The following CSMD1 variants were observed in gnomAD, a reference collection of about 807,000 sequenced individuals.
CSMD1 encodes CUB and sushi domain-containing protein 1.
In CSMD1, 213 loss-of-function variants were observed where a neutral mutation model predicts 417.5. That is an observed-to-expected ratio of 0.51 (90% CI 0.46 to 0.57). The LOEUF is 0.57. Among genes scored for constraint, CSMD1 ranks in the 20% least tolerant of loss-of-function variants. The probability of loss-of-function intolerance (pLI) is 0.00; values close to 1 mark genes in which losing one functional copy is unlikely to be tolerated. For synonymous variants in CSMD1, 2,862 were observed against 1,736.8 expected, an observed-to-expected ratio of 1.65 and a Z score of -16.11; for missense variants, 6,923 against 4,529.7, an observed-to-expected ratio of 1.53 and a Z score of -15.17.
At chr8:4,487,960 C>T (rs893584524) in intron 2 of CSMD1, among the ~76,000 whole-genome samples, 16 of 152,074 alleles carry the variant, frequency 1.1e-4, no homozygotes, top group African/African-American at 1.9e-4. Context: ...TGCGTCCCTC[C>T]GAAATGTATA....
At chr8:3,738,714 C>T (rs1796648207) in intron 6 of CSMD1, among the ~76,000 whole-genome samples, 1 of 152,208 alleles carries the variant, frequency 6.6e-6, no homozygotes, top group Non-Finnish European at 1.5e-5. Context: ...AGGTGCCACC[C>T]TGTGGTCACC....
At chr8:3,975,060 C>T (rs1320564665) in intron 5 of CSMD1, among the ~76,000 whole-genome samples, 3 of 152,096 alleles carry the variant, frequency 2.0e-5, no homozygotes, top group Admixed American at 6.5e-5. Context: ...TAATATACAT[C>T]TGTACACTGA....
At chr8:4,005,341 A>G (rs1816027020) in intron 4 of CSMD1, among the ~76,000 whole-genome samples, 1 of 152,218 alleles carries the variant, frequency 6.6e-6, no homozygotes, top group Admixed American at 6.5e-5. Context: ...TTGTACTTGC[A>G]GAAAACGTAA....
At chr8:3,053,282 CAAT>C (rs1277538052) in intron 49 of CSMD1, among the ~76,000 whole-genome samples, 4 of 152,088 alleles carry the variant, frequency 2.6e-5, no homozygotes, top group Non-Finnish European at 5.9e-5. Context: ...CACGGGAGCA[CAAT>C]GTCACACACT....
intron 3 of CSMD1, among the ~76,000 whole-genome samples, chr8:4,195,082 C>T (rs1464622387): frequency 6.6e-6 from 1 of 152,304 alleles, no homozygotes; most frequent in South Asian, 2.1e-4. Context: ...GCCTAGAATT[C>T]TGCCCATGAA....
intron 3 of CSMD1, among the ~76,000 whole-genome samples, chr8:4,207,190 C>T (rs549622729): frequency 4.6e-5 from 7 of 152,002 alleles, no homozygotes; most frequent in African/African-American, 7.2e-5. Context: ...TACAAGTTGA[C>T]GTAGATAGGA....
At chr8:4,078,871 A>G (rs1412601095) in intron 3 of CSMD1, among the ~76,000 whole-genome samples, 1 of 140,776 alleles carries the variant, frequency 7.1e-6, no homozygotes, top group Non-Finnish European at 1.5e-5. Flanking sequence ...ACCTGTCTCT[A>G]CTAAAATTAA....
At chr8:3,775,295 G>A (rs1355337274) in intron 5 of CSMD1, among the ~76,000 whole-genome samples, 3 of 152,174 alleles carry the variant, frequency 2.0e-5, no homozygotes, top group Admixed American at 1.3e-4. Flanking sequence ...TAAGTGAACA[G>A]AAGATGAATC....
intron 8 of CSMD1, among the ~76,000 whole-genome samples, chr8:3,592,351 C>T (rs538812098): frequency 2.0e-4 from 30 of 152,092 alleles, no homozygotes; most frequent in African/African-American, 6.5e-4. Flanking sequence ...TATTAGGTAT[C>T]GAAGGTAGGC....
intron 41 of CSMD1, among the ~76,000 whole-genome samples, chr8:3,126,370 AG>A (rs1817510727): frequency 6.6e-6 from 1 of 151,516 alleles, no homozygotes. Flanking sequence ...CAGACCCAGG[AG>A]GAGGCTACTG....
Position 3,929,820 on chromosome 8 carries a change from C to T in CSMD1, c.818+68083G>A, listed in dbSNP as rs982588630. 1.4e-4 allele frequency among the ~76,000 whole-genome samples: 21 copies of T among 149,438 alleles called. 1 individual carries two copies. The highest frequency in any genetic ancestry group is 7.3e-4 in the Admixed American group (11 of 15,030). ...GGGACTACAGGCACATGCCACCATG[C>T]CTGGCTAATTTTTGTGTTTTTAGTA... On this transcript the variant is annotated intron_variant, in intron 5 of 69. Transcript: ENST00000635120.
At chr8:4,517,410 T>C (rs568120640) in intron 2 of CSMD1, among the ~76,000 whole-genome samples, 45 of 152,322 alleles carry the variant, frequency 3.0e-4, no homozygotes, top group African/African-American at 1.1e-3. Flanking sequence ...TCCTCGCCTA[T>C]AACACGCAGA....
At chr8:4,737,718 G>A (rs186940823) in intron 1 of CSMD1, among the ~76,000 whole-genome samples, 13 of 152,280 alleles carry the variant, frequency 8.5e-5, no homozygotes, top group African/African-American at 2.6e-4. Context: ...AAGTACCTAA[G>A]CAATAGGTAA....
At chr8:3,829,313 C>G (rs1426155500) in intron 5 of CSMD1, among the ~76,000 whole-genome samples, 1 of 152,172 alleles carries the variant, frequency 6.6e-6, no homozygotes, top group African/African-American at 2.4e-5. Flanking sequence ...TTCACTTATT[C>G]TACAATCACC....
At chr8:3,680,733 CA>C (rs1799610130) in intron 7 of CSMD1, among the ~76,000 whole-genome samples, 1 of 151,930 alleles carries the variant, frequency 6.6e-6, no homozygotes, top group African/African-American at 2.4e-5. Context: ...GAGACACAAC[CA>C]AAAAAGAGAA....
At chr8:4,179,984 T>G (rs1798263902) in intron 3 of CSMD1, among the ~76,000 whole-genome samples, 1 of 152,064 alleles carries the variant, frequency 6.6e-6, no homozygotes, top group Non-Finnish European at 1.5e-5. Flanking sequence ...TTAGTGGGAC[T>G]GTAAACTAAT....
chr8:4,195,261 G>C (rs373733824), intron 3 of CSMD1, among the ~76,000 whole-genome samples: 12 of 152,058 alleles, frequency 7.9e-5, no homozygotes, highest in Non-Finnish European at 1.2e-4. Context: ...TAAGAGACAG[G>C]GTCTTGCTCT....
At chr8:4,751,740 G>C (rs989818028) in intron 1 of CSMD1, among the ~76,000 whole-genome samples, 1 of 152,160 alleles carries the variant, frequency 6.6e-6, no homozygotes, top group South Asian at 2.1e-4. Context: ...CTGCTGTGGA[G>C]TTAGGAGCTT....
intron 12 of CSMD1, among the ~76,000 whole-genome samples, chr8:3,461,678 G>C (rs965277801): frequency 6.6e-6 from 1 of 152,204 alleles, no homozygotes; most frequent in African/African-American, 2.4e-5. Flanking sequence ...ACCAGTAATG[G>C]AAGCAGCCAT....
Sources: gnomAD v4.1 joint callset for allele counts (sites outside exome capture counted in the v4.1 genomes callset) on GRCh38, gnomAD v4.1.1 for gene constraint, MANE v1.5 for transcripts, NCBI Gene and HGNC (gene_info 2026-07-23, HGNC 2026-07-21) for gene names.